Variants in DSCAM observed in about 807,000 individuals in gnomAD.
DSCAM encodes the protein cell adhesion molecule DSCAM.
A neutral mutation model predicts 217.7 loss-of-function variants in DSCAM; 47 were observed. That is an observed-to-expected ratio of 0.22 (90% CI 0.17 to 0.28). The LOEUF is 0.28. Among genes scored for constraint, DSCAM ranks in the 10% least tolerant of loss-of-function variants. The pLI, the probability that DSCAM is intolerant of heterozygous loss-of-function variation, is 1.00. For synonymous variants in DSCAM, 1,056 were observed against 1,015.3 expected (o/e 1.04, Z -0.76); for missense variants, 2,080 against 2,618.3 (o/e 0.79, Z 4.49).
chr21:40,113,000 G>T (rs2089919931), intron 20 of DSCAM, among the ~76,000 whole-genome samples: 1 of 152,146 alleles, frequency 6.6e-6, no homozygotes, highest in African/African-American at 2.4e-5. Flanking sequence ...AGGAGGAGCT[G>T]GTACCATTCC....
chr21:40,832,077 CCT>C (rs1268152571), intron 1 of DSCAM, among the ~76,000 whole-genome samples: 2 of 152,180 alleles, frequency 1.3e-5, no homozygotes, highest in Non-Finnish European at 2.9e-5. Context: ...ATTTCCAAAC[CCT>C]GGTTTTGCAA....
intron 3 of DSCAM, among the ~76,000 whole-genome samples, chr21:40,458,253 A>C (rs1215626416): frequency 6.6e-6 from 1 of 152,218 alleles, no homozygotes; most frequent in African/African-American, 2.4e-5. Context: ...TCTTGAAGAC[A>C]TGCTAGGTCA....
At chr21:40,376,622 GATATCT>G (rs1465772792) in intron 3 of DSCAM, among the ~76,000 whole-genome samples, 8 of 45,086 alleles carry the variant, frequency 1.8e-4, no homozygotes, top group African/African-American at 7.4e-4. Context: ...TATAGATATC[GATATCT>G]ATATATCTTA....
At chr21:40,369,597 G>A (rs1732508092) in intron 3 of DSCAM, among the ~76,000 whole-genome samples, 1 of 152,052 alleles carries the variant, frequency 6.6e-6, no homozygotes, top group African/African-American at 2.4e-5. Flanking sequence ...ACCGAACACA[G>A]AAGATTTTCT....
intron 3 of DSCAM, among the ~76,000 whole-genome samples, chr21:40,690,432 A>G (rs2090526836): frequency 6.6e-6 from 1 of 152,212 alleles, no homozygotes; most frequent in Admixed American, 6.5e-5. Flanking sequence ...TTACTTACAA[A>G]CCAACCAAAG....
chr21:40,297,884 G>A (rs937935649), intron 9 of DSCAM, among the ~76,000 whole-genome samples: 1 of 151,992 alleles, frequency 6.6e-6, no homozygotes, highest in Non-Finnish European at 1.5e-5. Context: ...ATTTCCTGTT[G>A]GGCAATTTTG....
At chr21:40,151,506 G>T (rs73225242) in intron 16 of DSCAM, among the ~76,000 whole-genome samples, 1 of 152,110 alleles carries the variant, frequency 6.6e-6, no homozygotes, top group Non-Finnish European at 1.5e-5. Context: ...TCTAAATCGG[G>T]GCTTCAACAC....
intron 11 of DSCAM, among the ~76,000 whole-genome samples, chr21:40,195,927 T>C (rs1425099771): frequency 6.6e-6 from 1 of 152,252 alleles, no homozygotes; most frequent in Non-Finnish European, 1.5e-5. Flanking sequence ...GTTCACACTT[T>C]AATGCACAGT....
chr21:40,312,886 G>T (rs1157312347), intron 8 of DSCAM, among the ~76,000 whole-genome samples: 1 of 152,170 alleles, frequency 6.6e-6, no homozygotes, highest in African/African-American at 2.4e-5. Flanking sequence ...GCCAAGGCAG[G>T]AGGAACACTT....
Position 40,353,590 on chromosome 21 carries a change from C to A in DSCAM, c.809G>T (p.Arg270Met). Residue 270 changes from arginine to methionine, a missense_variant, in exon 5 of 33, where the codon AGG (arginine) becomes ATG (methionine). Transcript: ENST00000400454. ...KDNMPLELSG[R>M]FQKTVTGLLI... ...CAGCCCCGTCACGGTCTTCTGGAAC[C>A]TCCCTGAAAGTTCCAGGGGCATGTT... The A allele has an allele frequency of 6.2e-7, 1 of 1,610,208 alleles. No homozygotes were observed. The highest frequency in any genetic ancestry group is 8.5e-7 in the Non-Finnish European group (1 of 1,179,156).
chr21:40,012,744 C>G lies in DSCAM; in HGVS notation c.*290G>C, dbSNP rs776597354. 163 of 203,194 alleles carry G rather than the reference C, an allele frequency of 8.0e-4. No individual in the cohort carries two copies. The highest frequency in any genetic ancestry group is 1.9e-3 in the Middle Eastern group (1 of 536). The allele number at this position is 203,194 out of a possible 1,614,324, so 12.6% of individuals were successfully genotyped here. On this transcript the variant is annotated 3_prime_UTR_variant, in exon 33 of 33. Transcript: ENST00000400454. The stretch of plus-strand genomic sequence containing the variant: ...CAGTCAGAAGGTTTAATTAATCCCC[C>G]CCATGCACTTTTGTAGAAAATCAGT...
chr21:40,447,358 C>A (rs1052032382), intron 3 of DSCAM, among the ~76,000 whole-genome samples: 1 of 152,188 alleles, frequency 6.6e-6, no homozygotes. Flanking sequence ...AGACCACGAA[C>A]AAACTAAAAT....
At chr21:40,188,394 A>G (rs2090918929) in intron 12 of DSCAM, among the ~76,000 whole-genome samples, 1 of 152,204 alleles carries the variant, frequency 6.6e-6, no homozygotes, top group Non-Finnish European at 1.5e-5. Context: ...TACTGCAGGC[A>G]GGGCTGGGGG....
At chr21:40,243,446 C>A (rs1456432609) in intron 11 of DSCAM, among the ~76,000 whole-genome samples, 1 of 152,096 alleles carries the variant, frequency 6.6e-6, no homozygotes, top group African/African-American at 2.4e-5. Flanking sequence ...GCACTTTTAA[C>A]AAGAATATTT....
intron 8 of DSCAM, among the ~76,000 whole-genome samples, chr21:40,329,660 T>A (rs148375373): frequency 1.2e-4 from 17 of 145,126 alleles, no homozygotes; most frequent in Non-Finnish European, 1.8e-4. Context: ...AAATAAATAA[T>A]AAAAATAAAA....
At chr21:40,264,581 C>T (rs2073497465) in intron 11 of DSCAM, among the ~76,000 whole-genome samples, 4 of 152,102 alleles carry the variant, frequency 2.6e-5, no homozygotes, top group Non-Finnish European at 5.9e-5. Flanking sequence ...CCATATATAA[C>T]AAACCCAGAG....
chr21:40,608,538 A>G (rs894835113), intron 3 of DSCAM, among the ~76,000 whole-genome samples: 1 of 152,212 alleles, frequency 6.6e-6, no homozygotes, highest in East Asian at 1.9e-4. Flanking sequence ...AGCTGAAGTG[A>G]AACAGGTGTG....
intron 1 of DSCAM, among the ~76,000 whole-genome samples, chr21:40,823,663 T>C (rs1029821222): frequency 1.3e-5 from 2 of 152,198 alleles, no homozygotes; most frequent in Non-Finnish European, 2.9e-5. Flanking sequence ...ATTGCTACAG[T>C]GAAACCTCAC....
intron 1 of DSCAM, among the ~76,000 whole-genome samples, chr21:40,742,404 G>A (rs1272555146): frequency 1.3e-5 from 2 of 152,186 alleles, no homozygotes; most frequent in Non-Finnish European, 2.9e-5. Context: ...CAAGGAATAT[G>A]AGGAGCACCA....
Sources: allele counts gnomAD v4.1 joint callset (sites outside exome capture counted in the v4.1 genomes callset), GRCh38; gene constraint gnomAD v4.1.1; transcripts MANE v1.5; gene names NCBI Gene and HGNC (gene_info 2026-07-23, HGNC 2026-07-21).